Variants in SLC35D4 observed in about 807,000 individuals in gnomAD.
SLC35D4 encodes the protein solute carrier family 35 member D4.
the SLC35D4 span, among the ~76,000 whole-genome samples, chr18:23,405,752 T>C: frequency 6.6e-6 from 1 of 152,120 alleles, no homozygotes; most frequent in Non-Finnish European, 1.5e-5. Flanking sequence ...AACAGCTCCA[T>C]GTACATAATT....
chr18:23,296,343 T>A, the SLC35D4 span: 1 of 152,238 alleles, frequency 6.6e-6, no homozygotes, highest in Non-Finnish European at 1.5e-5. Flanking sequence ...TCTCGCTCTG[T>A]TGCCCAGGCT....
the SLC35D4 span, among the ~76,000 whole-genome samples, chr18:23,274,354 G>A: frequency 5.3e-5 from 8 of 152,218 alleles, no homozygotes; most frequent in East Asian, 1.9e-4. Flanking sequence ...CTCCCTGATC[G>A]AGGGATTGGG....
At chr18:23,252,147 C>T in the SLC35D4 span, among the ~76,000 whole-genome samples, 3 of 151,028 alleles carry the variant, frequency 2.0e-5, no homozygotes, top group Non-Finnish European at 4.4e-5. Flanking sequence ...GACAAATAGA[C>T]GATTCCACTT....
the SLC35D4 span, among the ~76,000 whole-genome samples, chr18:23,268,998 A>T: frequency 6.6e-6 from 1 of 152,184 alleles, no homozygotes; most frequent in South Asian, 2.1e-4. Flanking sequence ...GGTGTCAGAG[A>T]TAGTCAGATC....
chr18:23,276,377 C>T, the SLC35D4 span, among the ~76,000 whole-genome samples: 6 of 151,838 alleles, frequency 4.0e-5, no homozygotes, highest in Middle Eastern at 6.8e-3. Flanking sequence ...CTTGAGCCAC[C>T]GCGCCCAGCC....
At chr18:23,306,646 G>A in the SLC35D4 span, among the ~76,000 whole-genome samples, 1 of 152,182 alleles carries the variant, frequency 6.6e-6, no homozygotes, top group Non-Finnish European at 1.5e-5. Flanking sequence ...TTTGAGCAAA[G>A]CTAAGCAATA....
At chr18:23,328,481 G>C in the SLC35D4 span, among the ~76,000 whole-genome samples, 1 of 152,030 alleles carries the variant, frequency 6.6e-6, no homozygotes. Context: ...AAAATACCTA[G>C]GAATCCAACT....
the SLC35D4 span, among the ~76,000 whole-genome samples, chr18:23,365,909 T>C: frequency 2.6e-5 from 4 of 152,246 alleles, no homozygotes; most frequent in Non-Finnish European, 5.9e-5. Context: ...TGTCTCAACC[T>C]GAGGGTCTAC....
At chr18:23,362,451 T>G in the SLC35D4 span, among the ~76,000 whole-genome samples, 1 of 151,856 alleles carries the variant, frequency 6.6e-6, no homozygotes, top group Non-Finnish European at 1.5e-5. Context: ...ATACAAAAAT[T>G]AGCCAGGCAT....
the SLC35D4 span, among the ~76,000 whole-genome samples, chr18:23,240,206 G>A: frequency 2.0e-5 from 3 of 152,312 alleles, no homozygotes; most frequent in South Asian, 4.1e-4. Flanking sequence ...ACTTCCCCGA[G>A]GAATGGCACT....
the SLC35D4 span, among the ~76,000 whole-genome samples, chr18:23,397,553 C>T: frequency 8.5e-5 from 13 of 152,268 alleles, no homozygotes; most frequent in Admixed American, 8.5e-4. Flanking sequence ...CAAAGCCATT[C>T]GTGACATAGG....
chr18:23,239,108 T>A, the SLC35D4 span, among the ~76,000 whole-genome samples: 31 of 152,244 alleles, frequency 2.0e-4, no homozygotes, highest in Non-Finnish European at 4.1e-4. Context: ...ATGATTTCAT[T>A]GTGAGCCTTG....
the SLC35D4 span, among the ~76,000 whole-genome samples, chr18:23,248,936 C>A: frequency 6.6e-6 from 1 of 152,244 alleles, no homozygotes; most frequent in Non-Finnish European, 1.5e-5. Flanking sequence ...ACAAGCCACA[C>A]TGTAGAACTG....
the SLC35D4 span, chr18:23,309,862 G>A: frequency 3.9e-5 from 37 of 955,256 alleles, no homozygotes; most frequent in African/African-American, 2.3e-4. Context: ...CAGGCACTTC[G>A]TTCCACTTCC....
At chr18:23,373,806 A>C in the SLC35D4 span, 2 of 1,601,828 alleles carry the variant, frequency 1.2e-6, no homozygotes, top group South Asian at 1.1e-5. Flanking sequence ...ACCTTTCAAC[A>C]TCAAAGGTTT....
chr18:23,352,026 A>G, the SLC35D4 span, among the ~76,000 whole-genome samples: 1 of 152,210 alleles, frequency 6.6e-6, no homozygotes, highest in African/African-American at 2.4e-5. Context: ...CCATGTTGAT[A>G]AAATGAGCAG....
At chr18:23,330,494 T>C in the SLC35D4 span, among the ~76,000 whole-genome samples, 1 of 152,220 alleles carries the variant, frequency 6.6e-6, no homozygotes, top group Non-Finnish European at 1.5e-5. Context: ...GCTTCAATAA[T>C]GGTGAATACC....
At chr18:23,380,105 CA>C in the SLC35D4 span, among the ~76,000 whole-genome samples, 587 of 151,062 alleles carry the variant, frequency 3.9e-3, 3 homozygotes, top group African/African-American at 0.014. Flanking sequence ...AAAAACAAAA[CA>C]AAAAAAAGAA....
the SLC35D4 span, among the ~76,000 whole-genome samples, chr18:23,376,449 G>A: frequency 5.9e-5 from 9 of 152,358 alleles, no homozygotes; most frequent in South Asian, 1.9e-3. Context: ...TGAGGCTCAG[G>A]ACACTTCTCT....
Sources: gnomAD v4.1 joint callset for allele counts (sites outside exome capture counted in the v4.1 genomes callset) on GRCh38, gnomAD v4.1.1 for gene constraint, MANE v1.5 for transcripts, NCBI Gene and HGNC (gene_info 2026-07-23, HGNC 2026-07-21) for gene names.